The following ROBO1 variants were observed in gnomAD, a reference collection of about 807,000 sequenced individuals.
The protein encoded by ROBO1 is roundabout guidance receptor 1.
A neutral mutation model predicts 195.9 loss-of-function variants in ROBO1; 149 were observed. The ratio of observed to expected loss-of-function variants is 0.76; its 90% confidence interval spans 0.67 to 0.87. The LOEUF (loss-of-function observed/expected upper bound fraction) is 0.87, where lower values mean the gene tolerates loss of function less well. Among genes scored for constraint, ROBO1 ranks in the 40% least tolerant of loss-of-function variants. The probability of loss-of-function intolerance (pLI) is 0.00; values close to 1 mark genes in which losing one functional copy is unlikely to be tolerated. For synonymous variants in ROBO1, 816 were observed against 733.2 expected (o/e 1.11, Z -1.82); for missense variants, 1,933 against 2,068.3 (o/e 0.93, Z 1.27).
intron 3 of ROBO1, among the ~76,000 whole-genome samples, chr3:79,101,089 G>A (rs2079667220): frequency 6.6e-6 from 1 of 151,632 alleles, no homozygotes; most frequent in Non-Finnish European, 1.5e-5. Context: ...TAGCTTCCAG[G>A]GGCAATGGGA....
chr3:79,335,804 T>C (rs192451441), intron 2 of ROBO1, among the ~76,000 whole-genome samples: 4 of 152,244 alleles, frequency 2.6e-5, no homozygotes, highest in African/African-American at 4.8e-5. Context: ...TTGGAGAGCT[T>C]GGAAGAAGAC....
At chr3:78,681,834 G>A (rs560565748) in intron 10 of ROBO1, among the ~76,000 whole-genome samples, 4 of 152,178 alleles carry the variant, frequency 2.6e-5, no homozygotes, top group South Asian at 4.2e-4. Context: ...CCTGGGAGGC[G>A]GAGCTTACAG....
At chr3:79,335,934 A>C (rs959656440) in intron 2 of ROBO1, among the ~76,000 whole-genome samples, 1 of 152,164 alleles carries the variant, frequency 6.6e-6, no homozygotes, top group Non-Finnish European at 1.5e-5. Flanking sequence ...AAGCTGAGGA[A>C]CTTCTTGGGA....
chr3:79,138,159 T>C (rs1040896030), intron 2 of ROBO1, among the ~76,000 whole-genome samples: 25 of 152,100 alleles, frequency 1.6e-4, no homozygotes, highest in African/African-American at 5.8e-4. Flanking sequence ...TAATTATTTC[T>C]AAAAATTATT....
At chr3:78,863,437 T>C (rs1317871889) in intron 4 of ROBO1, among the ~76,000 whole-genome samples, 1 of 152,082 alleles carries the variant, frequency 6.6e-6, no homozygotes, top group Non-Finnish European at 1.5e-5. Flanking sequence ...GTGCAAACTA[T>C]GTGTGAAGAA....
intron 3 of ROBO1, among the ~76,000 whole-genome samples, chr3:79,025,028 T>C (rs1015442850): frequency 2.6e-5 from 4 of 152,216 alleles, no homozygotes; most frequent in African/African-American, 9.6e-5. Flanking sequence ...TCCAGAAGTC[T>C]TCAAGGCCTA....
intron 2 of ROBO1, among the ~76,000 whole-genome samples, chr3:79,429,361 A>G (rs1398263655): frequency 6.6e-6 from 1 of 152,080 alleles, no homozygotes; most frequent in Non-Finnish European, 1.5e-5. Context: ...AAAGCCAGGA[A>G]AACGTGGAAG....
At chr3:79,719,821 T>G (rs1188594184) in intron 1 of ROBO1, among the ~76,000 whole-genome samples, 1 of 152,178 alleles carries the variant, frequency 6.6e-6, no homozygotes, top group African/African-American at 2.4e-5. Context: ...TAAAAATTAA[T>G]GAAATGAATT....
In ROBO1 at chr3:79,339,320, C is replaced by G. The variant is rs906166256; in HGVS notation, c.89-213781G>C. Among the ~76,000 whole-genome samples, 3 of 152,248 alleles carry G rather than the reference C, an allele frequency of 2.0e-5. No homozygotes were observed. In the East Asian group the frequency reaches 5.8e-4, roughly 29 times the overall value. On this transcript the variant is annotated intron_variant, in intron 2 of 30. Transcript: ENST00000464233. ...AAAACCCAAAATCTTTGTAATGGAC[C>G]GTAAGAGCCTGCTTGATCTTCCTCA...
At chr3:79,516,125 C>A (rs1940932977) in intron 2 of ROBO1, among the ~76,000 whole-genome samples, 1 of 152,032 alleles carries the variant, frequency 6.6e-6, no homozygotes, top group African/African-American at 2.4e-5. Context: ...GGTTTCCATA[C>A]CTTAAATTTT....
At chr3:79,335,150 C>T (rs968405834) in intron 2 of ROBO1, among the ~76,000 whole-genome samples, 1 of 152,004 alleles carries the variant, frequency 6.6e-6, no homozygotes, top group African/African-American at 2.4e-5. Context: ...TGGAAAATAA[C>T]AGAAAACATT....
At chr3:79,513,778 A>G (rs1477331630) in intron 2 of ROBO1, among the ~76,000 whole-genome samples, 1 of 152,164 alleles carries the variant, frequency 6.6e-6, no homozygotes, top group Non-Finnish European at 1.5e-5. Context: ...CAACTTCATT[A>G]TAACAGTGAT....
chr3:79,722,633 A>C lies in ROBO1; in HGVS notation c.-51+45119T>G, dbSNP rs11127661. Among the ~76,000 whole-genome samples, 14 of 152,142 alleles carry C rather than the reference A, an allele frequency of 9.2e-5. No individual in the cohort carries two copies. In the East Asian group the frequency reaches 2.5e-3, roughly 27 times the overall value. ...CAAAGATAATCTATAACTTTCAGAA[A>C]TGCTGATAACAAATTCAAATTGAAG... On this transcript the variant is annotated intron_variant, in intron 1 of 30. Transcript: ENST00000464233.
intron 2 of ROBO1, among the ~76,000 whole-genome samples, chr3:79,411,157 C>G (rs749249061): frequency 6.6e-6 from 1 of 152,094 alleles, no homozygotes; most frequent in Admixed American, 6.6e-5. Context: ...TACACACGCA[C>G]GCACATTTCC....
intron 4 of ROBO1, among the ~76,000 whole-genome samples, chr3:78,921,611 A>T (rs368695790): frequency 1.3e-5 from 2 of 152,318 alleles, no homozygotes; most frequent in South Asian, 4.1e-4. Context: ...GCATTTTTCA[A>T]AAGTTTTTGA....
chr3:79,279,513 T>C (rs2031340847), intron 2 of ROBO1, among the ~76,000 whole-genome samples: 1 of 152,030 alleles, frequency 6.6e-6, no homozygotes, highest in South Asian at 2.1e-4. Context: ...TTATGCACTG[T>C]TGGTGGGTAA....
chr3:78,904,615 G>A (rs1292490820), intron 4 of ROBO1, among the ~76,000 whole-genome samples: 2 of 150,592 alleles, frequency 1.3e-5, no homozygotes, highest in African/African-American at 2.4e-5. Context: ...TGGAGTGAAC[G>A]AAAAAATGGC....
chr3:79,691,444 G>C (rs924004598), intron 1 of ROBO1, among the ~76,000 whole-genome samples: 4 of 151,224 alleles, frequency 2.6e-5, no homozygotes, highest in Non-Finnish European at 5.9e-5. Context: ...AGAATATGTA[G>C]TTATCTGTAT....
At chr3:79,575,316 T>C in intron 2 of ROBO1, among the ~76,000 whole-genome samples, 1 of 124,426 alleles carries the variant, frequency 8.0e-6, no homozygotes, top group South Asian at 2.3e-4. Flanking sequence ...TAAATATATA[T>C]ATAACATATA....
Sources: allele counts gnomAD v4.1 joint callset (sites outside exome capture counted in the v4.1 genomes callset), GRCh38; gene constraint gnomAD v4.1.1; transcripts MANE v1.5; gene names NCBI Gene and HGNC (gene_info 2026-07-23, HGNC 2026-07-21).